Variants in SNX29 observed in about 807,000 individuals in gnomAD.
The protein encoded by SNX29 is sorting nexin-29.
SNX29 carries 78 observed loss-of-function variants against 102.1 expected under a neutral mutation model. The ratio of observed to expected loss-of-function variants is 0.76; its 90% CI spans 0.64 to 0.92. SNX29 has a LOEUF of 0.92. Ranked by LOEUF, SNX29 falls within the 40% of genes least tolerant of loss-of-function variation. The pLI is 0.00. For missense variants in SNX29, 1,280 were observed against 1,061.7 expected (o/e 1.21, Z -2.86); for synonymous variants, 580 against 414.5 (o/e 1.40, Z -4.85).
intron 18 of SNX29, among the ~76,000 whole-genome samples, chr16:12,415,810 C>T (rs2084611265): frequency 6.6e-6 from 1 of 152,198 alleles, no homozygotes; most frequent in African/African-American, 2.4e-5. Flanking sequence ...CCAACCCAGG[C>T]TGGGAATGCC....
chr16:12,175,666 A>AT lies in SNX29; in HGVS notation c.1596-23935_1596-23934insT, dbSNP rs59481420. 2.6e-5 allele frequency among the ~76,000 whole-genome samples: 4 copies of AT among 151,324 alleles called. No individual in the cohort carries two copies. In the East Asian group the frequency reaches 7.8e-4, roughly 29 times the overall value. On this transcript the variant is annotated intron_variant, in intron 13 of 20. Transcript: ENST00000566228. ...GACTCCGTCTCAAAAAAAAAAAAAA[A>AT]GTACGGGGCTGTAATACGATAGGAC...
Position 12,264,767 on chromosome 16 carries a change from C to CAA in SNX29, c.1679-13153_1679-13152dup, listed in dbSNP as rs113542382. 3.7e-4 allele frequency among the ~76,000 whole-genome samples: 42 copies of CAA among 113,954 alleles called. No individual in the cohort carries two copies. In the East Asian group the frequency reaches 6.4e-3, roughly 17 times the overall value. The allele number at this position is 113,954 out of a possible 152,430, so 74.8% of individuals were successfully genotyped here. On this transcript the variant is annotated intron_variant, in intron 14 of 20. Transcript: ENST00000566228. ...ACTGCACTCCAACGAGACTCTGTTT[C>CAA]AAAAAAAAAAAAAAGCTTCACAGGT...
At position 12,268,274 on chromosome 16, in the gene SNX29, C is replaced by A. The variant is rs138835603; in HGVS notation, c.1679-9659C>A. 2.0e-4 allele frequency among the ~76,000 whole-genome samples: 31 copies of A among 152,346 alleles called. 1 individual carries two copies. The East Asian group carries it at 4.6e-3, about 23-fold the overall frequency. Reference sequence around the variant, plus strand: ...TTCATATTGGCACTCACTTTTACCCCCCTTGATACATCCCTGTATCTCTAG... The same window carrying A: ...TTCATATTGGCACTCACTTTTACCCACCTTGATACATCCCTGTATCTCTAG... On this transcript the variant is annotated intron_variant, in intron 14 of 20. Coordinates refer to ENST00000566228, the MANE Select transcript of SNX29 (RefSeq NM_032167.5).
At chr16:12,363,933 A>T (rs927001850) in intron 16 of SNX29, among the ~76,000 whole-genome samples, 2 of 152,168 alleles carry the variant, frequency 1.3e-5, no homozygotes, top group Non-Finnish European at 2.9e-5. Flanking sequence ...CTCAAATGAG[A>T]TTGGAACATT....
At chr16:12,180,708 A>C (rs990031451) in intron 13 of SNX29, among the ~76,000 whole-genome samples, 2 of 152,030 alleles carry the variant, frequency 1.3e-5, no homozygotes, top group South Asian at 2.1e-4. Flanking sequence ...GATGGTCTCG[A>C]TCTCTTGACC....
chr16:12,004,325 A>C (rs546142446), intron 3 of SNX29, among the ~76,000 whole-genome samples: 1 of 151,792 alleles, frequency 6.6e-6, no homozygotes, highest in East Asian at 1.9e-4. Context: ...TGGGCGACAG[A>C]GCAAGATTCC....
chr16:12,534,579 AAAG>A (rs1217540158), intron 20 of SNX29, among the ~76,000 whole-genome samples: 4 of 152,224 alleles, frequency 2.6e-5, no homozygotes, highest in Non-Finnish European at 5.9e-5. Flanking sequence ...TAGGGTTGAA[AAAG>A]AAGTCTGGTA....
chr16:12,362,454 C>G (rs2082327001), intron 16 of SNX29, among the ~76,000 whole-genome samples: 2 of 151,848 alleles, frequency 1.3e-5, no homozygotes, highest in Admixed American at 1.3e-4. Context: ...TTTCAGAGGT[C>G]ACGATGTAGT....
intron 19 of SNX29, among the ~76,000 whole-genome samples, chr16:12,485,233 G>A (rs1184326725): frequency 1.3e-5 from 2 of 152,202 alleles, no homozygotes; most frequent in African/African-American, 4.8e-5. Context: ...ATGGTCTGAG[G>A]GAGTTGACCG....
chr16:12,486,785 C>G (rs1440683967), intron 19 of SNX29, among the ~76,000 whole-genome samples: 1 of 152,170 alleles, frequency 6.6e-6, no homozygotes, highest in African/African-American at 2.4e-5. Flanking sequence ...TCCGCCCACA[C>G]CCACCGCTCC....
Position 12,507,531 on chromosome 16 carries a change from G to C in SNX29, c.2179-17171G>C, listed in dbSNP as rs187772992. Among the ~76,000 whole-genome samples, 5 of 152,276 alleles carry C rather than the reference G, an allele frequency of 3.3e-5. No individual in the cohort carries two copies. In the East Asian group the frequency reaches 7.7e-4, roughly 23 times the overall value. ...GATGCTTGTGGTTGATGAGTGGCTTGTGTGTAGATCCCAGATCTTTCCATA... is the reference window on the plus strand; with the variant it reads ...GATGCTTGTGGTTGATGAGTGGCTTCTGTGTAGATCCCAGATCTTTCCATA... On this transcript the variant is annotated intron_variant, in intron 19 of 20. Transcript: ENST00000566228.
In SNX29 at chr16:12,069,095, G is replaced by C. The variant is rs759746888; in HGVS notation, c.1282G>C (p.Glu428Gln). Residue 428 changes from glutamate to glutamine, a missense_variant, in exon 10 of 21, where the codon GAG becomes CAG. Coordinates refer to ENST00000566228, the MANE Select transcript of SNX29 (RefSeq NM_032167.5). ...LGSLENGTGP[E>Q]DHVLPDPGLR... ...AAGCCTGGAGAACGGGACAGGACCA[G>C]AGGACCACGTTCTCCCAGATCCTGG... 6.8e-6 allele frequency: 11 copies of C among 1,613,700 alleles called. No homozygotes were observed. In the South Asian group the frequency reaches 1.2e-4, roughly 18 times the overall value.
At chr16:12,463,335 G>C (rs959837533) in intron 18 of SNX29, among the ~76,000 whole-genome samples, 2 of 152,142 alleles carry the variant, frequency 1.3e-5, no homozygotes, top group African/African-American at 4.8e-5. Context: ...AGACATACCC[G>C]AGACTGGGCA....
At chr16:12,213,226 C>T (rs1392875143) in intron 14 of SNX29, among the ~76,000 whole-genome samples, 3 of 152,190 alleles carry the variant, frequency 2.0e-5, no homozygotes, top group East Asian at 1.9e-4. Context: ...AGTGAAGTAA[C>T]TCAGGAACAG....
At chr16:12,491,732 A>G (rs1244789945) in intron 19 of SNX29, among the ~76,000 whole-genome samples, 1 of 148,028 alleles carries the variant, frequency 6.8e-6, no homozygotes, top group South Asian at 2.1e-4. Flanking sequence ...TCCTGTGTCC[A>G]TGTGTTCTCA....
At chr16:12,423,196 GT>G (rs57076200) in intron 18 of SNX29, among the ~76,000 whole-genome samples, 1,867 of 145,728 alleles carry the variant, frequency 0.013, 41 homozygotes, top group African/African-American at 0.042. Flanking sequence ...GCATGGGGTT[GT>G]TTTTTTTTTT....
At chr16:12,443,144 T>C (rs1212864040) in intron 18 of SNX29, 9 of 411,650 alleles carry the variant, frequency 2.2e-5, no homozygotes, top group Non-Finnish European at 3.9e-5. Flanking sequence ...CTGCCGGGCC[T>C]AGGGCCTGCG....
chr16:12,091,014 CAAAA>C (rs58933500), intron 11 of SNX29, among the ~76,000 whole-genome samples: 14,730 of 52,574 alleles, frequency 0.28, 1,180 homozygotes, highest in Middle Eastern at 0.44. Context: ...GACTTCATCT[CAAAA>C]AAAAAAAAAA....
intron 17 of SNX29, among the ~76,000 whole-genome samples, chr16:12,403,178 T>C (rs2084016076): frequency 6.7e-6 from 1 of 150,084 alleles, no homozygotes; most frequent in African/African-American, 2.5e-5. Flanking sequence ...CTCTTTCACA[T>C]TCCGGAGTAC....
Sources: gnomAD v4.1 joint callset for allele counts (sites outside exome capture counted in the v4.1 genomes callset) on GRCh38, gnomAD v4.1.1 for gene constraint, MANE v1.5 for transcripts, NCBI Gene and HGNC (gene_info 2026-07-23, HGNC 2026-07-21) for gene names.